Variants in TF observed in about 807,000 individuals in gnomAD.
TF encodes transferrin.
A neutral mutation model predicts 82.4 loss-of-function variants in TF; 55 were observed. The observed-to-expected ratio is 0.67, with a 90% confidence interval of 0.54 to 0.84. The LOEUF is 0.84. Among genes scored for constraint, TF ranks in the 40% least tolerant of loss-of-function variants. The probability of loss-of-function intolerance (pLI) is 0.00; values close to 1 mark genes in which losing one functional copy is unlikely to be tolerated. For missense variants in TF, 737 were observed against 868.4 expected, an observed-to-expected ratio of 0.85 and a Z score of 1.90; for synonymous variants, 332 against 332.6, an observed-to-expected ratio of 1.00 and a Z score of 0.02.
chr3:133,681,709 G>A, the TF span, among the ~76,000 whole-genome samples: 2 of 152,320 alleles, frequency 1.3e-5, no homozygotes, highest in South Asian at 2.1e-4. Flanking sequence ...CCAGAAGCTC[G>A]AACTGGGTGA....
intron 5 of TF, among the ~76,000 whole-genome samples, chr3:133,755,988 T>C (rs6797713): frequency 0.29 from 43,863 of 152,046 alleles, 6,859 homozygotes; most frequent in East Asian, 0.44. Flanking sequence ...ATTTTCACCC[T>C]CAGGAGACAC....
At chr3:133,771,834 A>G (rs1934269589) in intron 14 of TF, among the ~76,000 whole-genome samples, 1 of 151,990 alleles carries the variant, frequency 6.6e-6, no homozygotes, top group African/African-American at 2.4e-5. Context: ...CAAACAAAAC[A>G]AAGCAAAACA....
the TF span, chr3:133,701,962 G>A: frequency 5.2e-5 from 8 of 153,420 alleles, no homozygotes; most frequent in Non-Finnish European, 1.2e-4. Context: ...CCAGGGTGCG[G>A]TGGTGCGCAG....
intron 9 of TF, 49 bp downstream of exon 9, chr3:133,759,378 G>T: frequency 1.9e-6 from 3 of 1,607,092 alleles, no homozygotes; most frequent in Non-Finnish European, 8.5e-7. Context: ...ATTGCTGCCT[G>T]CTGGCCCCCA....
chr3:133,755,847 T>G (rs1008515878), intron 5 of TF: 19 of 448,222 alleles, frequency 4.2e-5, no homozygotes, highest in Non-Finnish European at 7.0e-5. Context: ...TCCCTCAATC[T>G]CAGCAGTGTT....
chr3:133,754,454 C>T, intron 3 of TF, 41 bp from the exon 4 acceptor site: 1 of 1,604,342 alleles, frequency 6.2e-7, no homozygotes, highest in Non-Finnish European at 8.5e-7. Context: ...TGTTTCCCTG[C>T]ACCAGGCTGA....
chr3:133,690,688 T>C, the TF span, among the ~76,000 whole-genome samples: 2 of 152,208 alleles, frequency 1.3e-5, no homozygotes, highest in African/African-American at 4.8e-5. Context: ...AGTTAAGCAG[T>C]CTCTATAAGA....
intron 8 of TF, 106 bp from the exon 9 acceptor site, chr3:133,759,069 A>T (rs1311839900): frequency 1.3e-5 from 18 of 1,436,412 alleles, no homozygotes; most frequent in Middle Eastern, 2.1e-4. Context: ...CTGTTTGTTT[A>T]TTGCTGGCAA....
chr3:133,779,226 G>C lies in TF; in HGVS notation c.*606G>C, dbSNP rs991842333. 3.2e-5 allele frequency: 5 copies of C among 153,956 alleles called. No individual in the cohort carries two copies. Among genetic ancestry groups the C allele is most frequent in the African/African-American group, 1.2e-4 (5 of 41,450 alleles). 9.5% of individuals were successfully genotyped at this position (153,956 alleles called of 1,614,324 possible). A position where few individuals can be genotyped will look rare whatever the true frequency, so the allele number is the denominator to read the frequency against. ...ACACTGACATCTTTTTTGCTGAAAA[G>C]CATTCCCTGAGCTTGATGCCACAGC... On this transcript the variant is annotated 3_prime_UTR_variant, in exon 17 of 17. Transcript: ENST00000402696.
In TF at chr3:133,780,795, C is replaced by G. The variant is rs949424967; in HGVS notation, c.*2175C>G. The G allele has an allele frequency of 6.6e-6, 1 of 151,990 alleles. No individual in the cohort carries two copies. Among genetic ancestry groups the G allele is most frequent in the Non-Finnish European group, 1.5e-5 (1 of 68,006 alleles). The allele number at this position is 151,990 out of a possible 1,614,324, so 9.4% of individuals were successfully genotyped here. ...TGGGAGGCTGAGGTGGGTGGATCAC[C>G]TGAGGTCAGGAGTTCAAGACCAGCC... On this transcript the variant is annotated 3_prime_UTR_variant, in exon 17 of 17. Coordinates refer to ENST00000402696, the MANE Select transcript of TF (RefSeq NM_001063.4).
Position 133,789,818 on chromosome 3 carries a change from G to T in TF, c.*11198G>T, listed in dbSNP as rs1387638078. 2.0e-5 allele frequency: 3 copies of T among 149,180 alleles called. No homozygotes were observed. Among genetic ancestry groups the T allele is most frequent in the African/African-American group, 7.4e-5 (3 of 40,384 alleles). The allele number at this position is 149,180 out of a possible 1,614,324, so 9.2% of individuals were successfully genotyped here. On this transcript the variant is annotated 3_prime_UTR_variant, in exon 17 of 17. Coordinates refer to ENST00000402696, the MANE Select transcript of TF (RefSeq NM_001063.4). ...CTCTGCTAGATATTTTGAGGTGTTA[G>T]GGTTTGGCATAGAAGGTTATAAAAC...
At chr3:133,749,388 A>G (rs1466195388) in intron 2 of TF, among the ~76,000 whole-genome samples, 9 of 152,192 alleles carry the variant, frequency 5.9e-5, no homozygotes, top group African/African-American at 2.2e-4. Flanking sequence ...GTGCTGGGCA[A>G]TGGGGCTGCA....
chr3:133,751,063 T>C (rs1321126774), intron 2 of TF, among the ~76,000 whole-genome samples: 1 of 152,162 alleles, frequency 6.6e-6, no homozygotes, highest in Non-Finnish European at 1.5e-5. Flanking sequence ...ACAACCCAAA[T>C]ATCCATTGAT....
chr3:133,736,638 A>AAAAAAAAAAAAAG, the TF span, among the ~76,000 whole-genome samples: 16 of 105,382 alleles, frequency 1.5e-4, 1 homozygote, highest in East Asian at 4.7e-3. Context: ...AGCCAAAAAA[A>AAAAAAAAAAAAAG]AAAAAAAAAA....
At chr3:133,770,481 T>C in intron 13 of TF, 27 bp from the exon 14 acceptor site, 1 of 1,613,746 alleles carries the variant, frequency 6.2e-7, no homozygotes, top group Admixed American at 1.7e-5. Context: ...GCCTTTTTTT[T>C]TCTCTCCCAC....
rs1324014080 is a variant in TF, at chr3:133,791,699, T to C, written c.*13079T>C. 2.0e-5 allele frequency: 3 copies of C among 152,222 alleles called. No homozygotes were observed. In the East Asian group the frequency reaches 5.8e-4, roughly 29 times the overall value. 9.4% of individuals were successfully genotyped at this position (152,222 alleles called of 1,614,324 possible). A position where few individuals can be genotyped will look rare whatever the true frequency, so the allele number is the denominator to read the frequency against. The stretch of plus-strand genomic sequence containing the variant: ...TGCTGTTCAAGACACACCAGCAGAC[T>C]GGTCAGTCATGTCTTTGGGAGCTTG... On this transcript the variant is annotated 3_prime_UTR_variant, in exon 17 of 17. Transcript: ENST00000402696.
At chr3:133,674,147 C>T in the TF span, among the ~76,000 whole-genome samples, 1 of 152,210 alleles carries the variant, frequency 6.6e-6, no homozygotes, top group Non-Finnish European at 1.5e-5. Flanking sequence ...GAAGAGCCCA[C>T]GGTTTTCACC....
the TF span, among the ~76,000 whole-genome samples, chr3:133,666,416 C>T: frequency 6.6e-6 from 1 of 152,124 alleles, no homozygotes; most frequent in Admixed American, 6.5e-5. Flanking sequence ...TGTGATTCAC[C>T]CACCTCGACC....
chr3:133,760,646 A>C, intron 9 of TF: 1 of 152,426 alleles, frequency 6.6e-6, no homozygotes, highest in Non-Finnish European at 1.5e-5. Context: ...GATTAAGTAC[A>C]ACCAAATGTA....
Sources: gnomAD v4.1 joint callset for allele counts (sites outside exome capture counted in the v4.1 genomes callset) on GRCh38, gnomAD v4.1.1 for gene constraint, MANE v1.5 for transcripts, NCBI Gene and HGNC (gene_info 2026-07-23, HGNC 2026-07-21) for gene names.